Variants in NLRC5 observed in about 807,000 individuals in gnomAD.
NLRC5 encodes protein NLRC5.
Under a neutral mutation model 206.9 loss-of-function variants are expected in NLRC5, and 114 were observed. That is an observed-to-expected ratio of 0.55 (90% confidence interval 0.47 to 0.64). The LOEUF (loss-of-function observed/expected upper bound fraction) is 0.64, where lower values mean the gene tolerates loss of function less well. Ranked by LOEUF, NLRC5 falls within the 30% of genes least tolerant of loss-of-function variation. The pLI is 0.00. For synonymous variants in NLRC5, 952 were observed against 962.8 expected, an observed-to-expected ratio of 0.99 and a Z score of 0.21; for missense variants, 2,008 against 2,305.5, an observed-to-expected ratio of 0.87 and a Z score of 2.64.
intron 38 of NLRC5, 98 bp downstream of exon 38, chr16:57,070,716 G>A (rs1237990239): frequency 5.1e-6 from 5 of 982,190 alleles, no homozygotes; most frequent in African/African-American, 2.1e-5. Flanking sequence ...GATGGTGGAA[G>A]TGGGTGAGTG....
At chr16:57,046,509 G>A (rs1160795925) in intron 21 of NLRC5, 43 bp from the exon 22 acceptor site, 1 of 1,555,112 alleles carries the variant, frequency 6.4e-7, no homozygotes, top group South Asian at 1.1e-5. Context: ...GGGAGTCCGA[G>A]GGGGTGATCT....
At chr16:57,047,273 G>C (rs1303516946) in intron 22 of NLRC5, among the ~76,000 whole-genome samples, 1 of 152,134 alleles carries the variant, frequency 6.6e-6, no homozygotes, top group Non-Finnish European at 1.5e-5. Context: ...AGTGAGGATG[G>C]TGGCCTGGGC....
At chr16:57,058,320 C>T (rs1225549755) in intron 28 of NLRC5, 172 bp downstream of exon 28, 3 of 601,340 alleles carry the variant, frequency 5.0e-6, no homozygotes, top group African/African-American at 3.7e-5. Flanking sequence ...TGGGTCCTTT[C>T]CTCTGTCCCT....
chr16:57,031,751 A>G (rs1317153015), intron 11 of NLRC5, among the ~76,000 whole-genome samples: 1 of 147,504 alleles, frequency 6.8e-6, no homozygotes, highest in East Asian at 2.0e-4. Context: ...TGGCATTACT[A>G]GATGGTGAAA....
intron 17 of NLRC5, among the ~76,000 whole-genome samples, chr16:57,040,947 A>C (rs1172524957): frequency 6.6e-6 from 1 of 151,396 alleles, no homozygotes; most frequent in Non-Finnish European, 1.5e-5. Flanking sequence ...AGCCCAGGAG[A>C]CCCCACTCCC....
chr16:57,079,132 A>G lies in NLRC5; in HGVS notation c.5164A>G (p.Ser1722Gly). The change falls in exon 44 of 49, where the codon AGC becomes GGC. Residue 1722 changes from serine to glycine, a missense_variant and splice_region_variant. Physicochemically the swap from Ser to Gly is moderately conservative, Grantham distance 56. Coordinates refer to ENST00000688547, the MANE Select transcript of NLRC5 (RefSeq NM_001384950.1). Reference sequence around the variant, plus strand: ...TGGATCCCCCCATTTGGAAGAGATCAGGTAAGTAGGGGCTGCCCAGCCCAG... The same window carrying G: ...TGGATCCCCCCATTTGGAAGAGATCGGGTAAGTAGGGGCTGCCCAGCCCAG... The part of the protein sequence containing the change: ...LDGSPHLEEI[S>G]LAENNLAGGV... 1 of 1,614,076 alleles carries G rather than the reference A, an allele frequency of 6.2e-7. No homozygotes were observed. Among genetic ancestry groups the G allele is most frequent in the Non-Finnish European group, 8.5e-7 (1 of 1,180,004 alleles).
intron 11 of NLRC5, 103 bp downstream of exon 11, chr16:57,031,566 A>G (rs574573327): frequency 1.6e-5 from 18 of 1,099,210 alleles, no homozygotes; most frequent in Admixed American, 6.2e-5. Flanking sequence ...GAGCTGGGGT[A>G]TGGGAATTCT....
At chr16:57,045,360 C>T in intron 20 of NLRC5, 88 bp from the exon 21 acceptor site, 1 of 1,347,020 alleles carries the variant, frequency 7.4e-7, no homozygotes, top group Non-Finnish European at 1.1e-6. Context: ...CCCAGGCCCT[C>T]CTTGCCCTGA....
In NLRC5 at chr16:57,020,728, C is replaced by A. The variant is rs778947195; in HGVS notation, c.16C>A (p.Leu6Ile). 2 of 1,611,014 alleles carry A rather than the reference C, an allele frequency of 1.2e-6. No individual in the cohort carries two copies. Among genetic ancestry groups the A allele is most frequent in the Non-Finnish European group, 1.7e-6 (2 of 1,179,434 alleles). MDPVG[L>I]QLGNKNLWSC... ...CTGGCTCCTCATGGACCCCGTTGGC[C>A]TCCAGCTCGGCAACAAGAACCTGTG... Residue 6 changes from leucine to isoleucine, a missense_variant, in exon 3 of 49, where the codon CTC becomes ATC. Transcript: ENST00000688547.
chr16:57,020,655 A>C, intron 2 of NLRC5, 46 bp from the exon 3 acceptor site: 5 of 1,104,786 alleles, frequency 4.5e-6, no homozygotes, highest in East Asian at 4.0e-5. Flanking sequence ...ATCTGCCCCC[A>C]GTTTACCTGT....
intron 15 of NLRC5, among the ~76,000 whole-genome samples, chr16:57,038,794 G>T (rs1349396272): frequency 6.6e-6 from 1 of 151,958 alleles, no homozygotes; most frequent in East Asian, 1.9e-4. Flanking sequence ...AACTAGCTGG[G>T]CATGGTGGCG....
At chr16:57,078,114 C>A in intron 43 of NLRC5, 94 bp downstream of exon 43, 2 of 1,050,226 alleles carry the variant, frequency 1.9e-6, no homozygotes, top group Non-Finnish European at 2.7e-6. Context: ...GTTGAGCTGC[C>A]CTGCCCCAAG....
chr16:57,028,327 C>T lies in NLRC5; in HGVS notation c.2185C>T (p.Arg729Ter), dbSNP rs775880379. The change falls in exon 8 of 49, where the codon CGA becomes TGA. Residue 729 changes from arginine to a stop codon, truncating the protein, a stop_gained. Coordinates refer to ENST00000688547, the MANE Select transcript of NLRC5 (RefSeq NM_001384950.1). LOFTEE classifies it high-confidence loss of function. ...LGLAGSKITA[R>*]GISHLVKALP... is the part of the protein sequence containing the mutation. ...GTTAGCAGGAAGTAAAATCACTGCC[C>T]GAGGCATCAGCCACCTGGTGAAAGC... The T allele has an allele frequency of 6.8e-6, 11 of 1,614,000 alleles. No individual in the cohort carries two copies. The highest frequency in any genetic ancestry group is 1.1e-5 in the South Asian group (1 of 91,086).
chr16:57,068,232 C>T (rs1444082585), intron 36 of NLRC5, among the ~76,000 whole-genome samples: 3 of 151,966 alleles, frequency 2.0e-5, no homozygotes, highest in Admixed American at 6.6e-5. Context: ...GAATTCGAGA[C>T]CACCCTGGAC....
chr16:57,021,729 C>T (rs1226064065), intron 3 of NLRC5, among the ~76,000 whole-genome samples: 4 of 152,118 alleles, frequency 2.6e-5, no homozygotes, highest in African/African-American at 7.2e-5. Context: ...TGACGGGGAG[C>T]GCCTTCTGCC....
chr16:57,081,065 C>T, intron 46 of NLRC5, 33 bp from the exon 47 acceptor site: 1 of 1,541,942 alleles, frequency 6.5e-7, no homozygotes, highest in Non-Finnish European at 8.7e-7. Flanking sequence ...TCCTTGCTCT[C>T]CTGCCGCTGA....
chr16:57,034,314 G>A, intron 13 of NLRC5, 63 bp downstream of exon 13: 3 of 1,225,390 alleles, frequency 2.4e-6, no homozygotes, highest in Non-Finnish European at 3.6e-6. Context: ...GGTGGGCAGG[G>A]CCTCGCCTTT....
At chr16:57,037,557 A>G (rs1218131781) in intron 15 of NLRC5, among the ~76,000 whole-genome samples, 3 of 152,164 alleles carry the variant, frequency 2.0e-5, no homozygotes, top group African/African-American at 7.2e-5. Context: ...AGAGTGGCCA[A>G]TGACAGAGGC....
At chr16:57,040,803 GC>G in intron 17 of NLRC5, 85 bp downstream of exon 17, 1 of 1,314,656 alleles carries the variant, frequency 7.6e-7, no homozygotes. Context: ...CTGTGCCCAG[GC>G]CCCACATGCT....
Sources: allele counts gnomAD v4.1 joint callset (sites outside exome capture counted in the v4.1 genomes callset), GRCh38; gene constraint gnomAD v4.1.1; transcripts MANE v1.5; gene names NCBI Gene and HGNC (gene_info 2026-07-23, HGNC 2026-07-21).